RBFOX1: variants seen among roughly 807,000 people sequenced by gnomAD.
RBFOX1 encodes the protein RNA binding fox-1 homolog 1.
RBFOX1 carries 8 observed loss-of-function variants against 57.7 expected under a neutral mutation model. That is an observed-to-expected ratio of 0.14 (90% confidence interval 0.08 to 0.25). The LOEUF (loss-of-function observed/expected upper bound fraction) is 0.25, where lower values mean the gene tolerates loss of function less well. Among genes scored for constraint, RBFOX1 ranks in the 10% least tolerant of loss-of-function variants. The probability of loss-of-function intolerance (pLI) is 1.00; values close to 1 mark genes in which losing one functional copy is unlikely to be tolerated. For synonymous variants in RBFOX1, 326 were observed against 222.4 expected, an observed-to-expected ratio of 1.47 and a Z score of -4.15; for missense variants, 611 against 548.5, an observed-to-expected ratio of 1.11 and a Z score of -1.14.
chr16:5,938,984 A>G (rs963860399), intron 4 of RBFOX1, among the ~76,000 whole-genome samples: 2 of 152,208 alleles, frequency 1.3e-5, no homozygotes, highest in Non-Finnish European at 2.9e-5. Flanking sequence ...TCAGCAAACT[A>G]TCGCAAGGAC....
chr16:5,474,394 C>G (rs72772801), intron 2 of RBFOX1, among the ~76,000 whole-genome samples: 16,705 of 152,220 alleles, frequency 0.11, 1,030 homozygotes, highest in East Asian at 0.26. Context: ...TGGCTCACTC[C>G]TGTGATCCCA....
chr16:5,452,458 A>G (rs184261844), intron 1 of RBFOX1, among the ~76,000 whole-genome samples: 2 of 151,792 alleles, frequency 1.3e-5, no homozygotes, highest in Non-Finnish European at 2.9e-5. Context: ...ACTGGATACT[A>G]CAGATTTCAC....
At chr16:7,617,938 A>C (rs2058720989) in intron 10 of RBFOX1, among the ~76,000 whole-genome samples, 2 of 152,006 alleles carry the variant, frequency 1.3e-5, no homozygotes, top group Admixed American at 1.3e-4. Flanking sequence ...GCAGGAGGGA[A>C]TATGGAGGTG....
intron 3 of RBFOX1, among the ~76,000 whole-genome samples, chr16:5,626,249 G>A (rs929141616): frequency 7.2e-5 from 11 of 152,200 alleles, no homozygotes; most frequent in Admixed American, 5.9e-4. Flanking sequence ...GAGGCAAGCA[G>A]TCAGAGATCA....
At chr16:6,221,650 G>A (rs758103780) in intron 1 of RBFOX1, among the ~76,000 whole-genome samples, 6 of 152,174 alleles carry the variant, frequency 3.9e-5, no homozygotes, top group Non-Finnish European at 7.3e-5. Flanking sequence ...AAGGAAAGAG[G>A]TTTCACTGAC....
At chr16:6,919,712 A>G (rs1597233377) in intron 3 of RBFOX1, among the ~76,000 whole-genome samples, 1 of 150,852 alleles carries the variant, frequency 6.6e-6, no homozygotes, top group South Asian at 2.1e-4. Context: ...GATATATTGT[A>G]TGTTATAGAT....
chr16:5,610,184 T>C (rs963074462), intron 3 of RBFOX1: 9 of 152,234 alleles, frequency 5.9e-5, no homozygotes, highest in African/African-American at 1.9e-4. Flanking sequence ...TCTGTCCCAT[T>C]ACCAGTGTTT....
At chr16:7,416,741 T>A (rs1205668808) in intron 4 of RBFOX1, among the ~76,000 whole-genome samples, 1 of 151,936 alleles carries the variant, frequency 6.6e-6, no homozygotes, top group Admixed American at 6.6e-5. Flanking sequence ...TTTTTTTCTT[T>A]CCACATATAT....
At chr16:5,863,576 C>T (rs1213066271) in intron 3 of RBFOX1, among the ~76,000 whole-genome samples, 1 of 152,206 alleles carries the variant, frequency 6.6e-6, no homozygotes, top group Non-Finnish European at 1.5e-5. Flanking sequence ...TGAATACTAC[C>T]TGCCTTAGAA....
At chr16:6,159,946 A>G (rs1419778500) in intron 1 of RBFOX1, among the ~76,000 whole-genome samples, 6 of 152,194 alleles carry the variant, frequency 3.9e-5, no homozygotes, top group Admixed American at 3.9e-4. Flanking sequence ...ACTGTGAGAC[A>G]TAGTAGCCAG....
intron 2 of RBFOX1, among the ~76,000 whole-genome samples, chr16:6,378,356 G>A (rs545281019): frequency 6.6e-6 from 1 of 152,188 alleles, no homozygotes; most frequent in Non-Finnish European, 1.5e-5. Flanking sequence ...TGCGATCCTG[G>A]TGCCACAATC....
chr16:7,252,999 C>A (rs2094548910), intron 4 of RBFOX1, among the ~76,000 whole-genome samples: 1 of 152,138 alleles, frequency 6.6e-6, no homozygotes, highest in Non-Finnish European at 1.5e-5. Flanking sequence ...GCATCTTGAG[C>A]CTCTGATAAT....
At chr16:6,399,414 T>C (rs1190572240) in intron 2 of RBFOX1, among the ~76,000 whole-genome samples, 2 of 152,188 alleles carry the variant, frequency 1.3e-5, no homozygotes, top group African/African-American at 4.8e-5. Context: ...TCCACTGATC[T>C]CTAGGGCAGG....
At chr16:7,664,734 C>T in intron 12 of RBFOX1, 195 bp from the exon 13 acceptor site, 1 of 928,642 alleles carries the variant, frequency 1.1e-6, no homozygotes, top group Non-Finnish European at 1.6e-6. Flanking sequence ...TGGGCCAACA[C>T]CAAAGCCCGG....
At chr16:5,625,520 C>T (rs934192108) in intron 3 of RBFOX1, among the ~76,000 whole-genome samples, 29 of 143,170 alleles carry the variant, frequency 2.0e-4, no homozygotes, top group Non-Finnish European at 4.0e-4. Flanking sequence ...TGGATTTACT[C>T]TTTTAATATT....
At chr16:7,047,057 T>G (rs549922692) in intron 3 of RBFOX1, among the ~76,000 whole-genome samples, 4 of 151,740 alleles carry the variant, frequency 2.6e-5, no homozygotes, top group Admixed American at 1.3e-4. Context: ...CTTTTTTTTT[T>G]TTTTTGCTTT....
chr16:5,756,893 A>C (rs1450879637), intron 3 of RBFOX1, among the ~76,000 whole-genome samples: 1 of 152,194 alleles, frequency 6.6e-6, no homozygotes, highest in East Asian at 1.9e-4. Context: ...ACATTTGTAT[A>C]AAAAATATAA....
At chr16:6,018,029 G>A (rs1446929425), upstream of RBFOX1, among the ~76,000 whole-genome samples, 1 of 152,222 alleles carries the variant, frequency 6.6e-6, no homozygotes, top group Admixed American at 6.5e-5. Context: ...CACATAAAAT[G>A]AGGTAGACTG....
intron 3 of RBFOX1, among the ~76,000 whole-genome samples, chr16:5,833,169 A>C (rs1410053865): frequency 6.6e-6 from 1 of 152,134 alleles, no homozygotes; most frequent in Non-Finnish European, 1.5e-5. Flanking sequence ...ATCTCCTCCT[A>C]ATTTTCTAGT....
Sources: allele counts gnomAD v4.1 joint callset (sites outside exome capture counted in the v4.1 genomes callset), GRCh38; gene constraint gnomAD v4.1.1; transcripts MANE v1.5; gene names NCBI Gene and HGNC (gene_info 2026-07-23, HGNC 2026-07-21).